ATP6V1H: variants seen among roughly 807,000 people sequenced by gnomAD.
ATP6V1H encodes the protein ATPase H+ transporting V1 subunit H.
A neutral mutation model predicts 71.7 loss-of-function variants in ATP6V1H; 39 were observed. That is an observed-to-expected ratio of 0.54 (90% CI 0.42 to 0.71). The LOEUF (loss-of-function observed/expected upper bound fraction) is 0.71, where lower values mean the gene tolerates loss of function less well. Ranked by LOEUF, ATP6V1H falls within the 30% of genes least tolerant of loss-of-function variation. ATP6V1H has a pLI of 0.00. For synonymous variants in ATP6V1H, 192 were observed against 199.3 expected (o/e 0.96, Z 0.31); for missense variants, 509 against 594.9 (o/e 0.86, Z 1.50).
chr8:53,734,988 A>G (rs1807152358), intron 13 of ATP6V1H, among the ~76,000 whole-genome samples: 1 of 152,208 alleles, frequency 6.6e-6, no homozygotes, highest in Non-Finnish European at 1.5e-5. Context: ...GCCAAGAGTC[A>G]CTTAAAAAGT....
intron 4 of ATP6V1H, among the ~76,000 whole-genome samples, chr8:53,822,418 G>C (rs1383226650): frequency 1.3e-5 from 2 of 152,026 alleles, no homozygotes; most frequent in Non-Finnish European, 2.9e-5. Context: ...AGTAGAATAA[G>C]TTCATTGACT....
chr8:53,795,070 T>C (rs1809685986), intron 9 of ATP6V1H, among the ~76,000 whole-genome samples: 1 of 152,164 alleles, frequency 6.6e-6, no homozygotes, highest in African/African-American at 2.4e-5. Context: ...TGGCTCTCGG[T>C]AGCCAATTAG....
At chr8:53,836,939 G>A (rs1054156911) in intron 2 of ATP6V1H, among the ~76,000 whole-genome samples, 4 of 152,016 alleles carry the variant, frequency 2.6e-5, no homozygotes, top group Non-Finnish European at 4.4e-5. Context: ...TCAAGAGTTC[G>A]AGACCAGCCT....
rs567032930 is a variant in ATP6V1H at position 53,757,477 on chromosome 8, C to T, written c.1176-821G>A. ...CAGAGATCATTCAAGGAATAGGTTG[C>T]TCCTCTGTTATTTTAATGCTCAAGG... On this transcript the variant is annotated intron_variant, in intron 11 of 13. Coordinates refer to ENST00000359530, the MANE Select transcript of ATP6V1H (RefSeq NM_015941.4). Among the ~76,000 whole-genome samples, 12 of 152,274 alleles carry T rather than the reference C, an allele frequency of 7.9e-5. No homozygotes were observed. In the East Asian group the frequency reaches 2.1e-3, roughly 27 times the overall value.
At chr8:53,779,844 C>G (rs1180139612) in intron 9 of ATP6V1H, among the ~76,000 whole-genome samples, 2 of 151,950 alleles carry the variant, frequency 1.3e-5, no homozygotes, top group East Asian at 3.9e-4. Flanking sequence ...ATTTGTTGAC[C>G]AGAGAATTAA....
At position 53,755,736 on chromosome 8, in the gene ATP6V1H, A is replaced by T. The variant is rs1344705943; in HGVS notation, c.1277+819T>A. ...TATATATATATATATATATATATAT[A>T]TATATATATTTTTTTTTTTTTTTTT... On this transcript the variant is annotated intron_variant, in intron 12 of 13. Coordinates refer to ENST00000359530, the MANE Select transcript of ATP6V1H (RefSeq NM_015941.4). Among the ~76,000 whole-genome samples the T allele has an allele frequency of 3.5e-3, 11 of 3,110 alleles. 2 individuals are homozygous for T. The highest frequency in any genetic ancestry group is 0.022 in the African/African-American group (9 of 414). The allele number at this position is 3,110 out of a possible 152,430, so 2.0% of individuals were successfully genotyped here.
At chr8:53,739,463 A>C (rs1279995103) in intron 13 of ATP6V1H, 1 of 152,190 alleles carries the variant, frequency 6.6e-6, no homozygotes, top group Non-Finnish European at 1.5e-5. Flanking sequence ...AGATGGTAAC[A>C]CTCTTATAAC....
chr8:53,753,081 CTTT>C (rs201020364), intron 12 of ATP6V1H, among the ~76,000 whole-genome samples: 20 of 139,860 alleles, frequency 1.4e-4, no homozygotes, highest in African/African-American at 5.0e-4. Context: ...GAAACCATGC[CTTT>C]TTTTTTTTTT....
At chr8:53,821,208 TAA>T (rs1563482327) in intron 4 of ATP6V1H, among the ~76,000 whole-genome samples, 1 of 151,208 alleles carries the variant, frequency 6.6e-6, no homozygotes, top group East Asian at 1.9e-4. Context: ...CCATCTCTAC[TAA>T]AAATACAACA....
chr8:53,786,429 C>T (rs1027659228), intron 9 of ATP6V1H, among the ~76,000 whole-genome samples: 6 of 152,172 alleles, frequency 3.9e-5, no homozygotes, highest in African/African-American at 9.7e-5. Flanking sequence ...TTCCAGGTGC[C>T]GTCTGTCACC....
intron 13 of ATP6V1H, among the ~76,000 whole-genome samples, chr8:53,735,887 C>T (rs920629598): frequency 1.3e-5 from 2 of 152,270 alleles, no homozygotes; most frequent in African/African-American, 2.4e-5. Flanking sequence ...CCACCACAGT[C>T]GGCTAACACC....
In ATP6V1H at chr8:53,808,150, T is replaced by C. The variant is rs546875565; in HGVS notation, c.579+3014A>G. On this transcript the variant is annotated intron_variant, in intron 7 of 13. Transcript: ENST00000359530. The stretch of plus-strand genomic sequence containing the variant: ...AACATGTGGGCTCTCTCATGAATCG[T>C]TCTCTTGCCTATGCGTACTGTAAAA... Among the ~76,000 whole-genome samples the C allele has an allele frequency of 2.0e-3, 311 of 152,308 alleles. 2 individuals carry two copies. The highest frequency in any genetic ancestry group is 7.0e-3 in the African/African-American group (290 of 41,570).
intron 8 of ATP6V1H, among the ~76,000 whole-genome samples, chr8:53,799,507 G>A (rs562814665): frequency 2.6e-4 from 40 of 152,314 alleles, no homozygotes; most frequent in African/African-American, 9.6e-4. Context: ...TCCTAAGGCT[G>A]CTAGCCTCAG....
At chr8:53,780,401 G>A (rs543541664) in intron 9 of ATP6V1H, among the ~76,000 whole-genome samples, 11 of 151,984 alleles carry the variant, frequency 7.2e-5, no homozygotes, top group African/African-American at 2.7e-4. Context: ...ATTTCATTGT[G>A]TCATCTTGCT....
chr8:53,761,595 T>G (rs78917440), intron 11 of ATP6V1H, among the ~76,000 whole-genome samples: 5 of 152,198 alleles, frequency 3.3e-5, no homozygotes, highest in African/African-American at 1.2e-4. Flanking sequence ...AAAAAAAACC[T>G]CCAAGCTCTT....
intron 6 of ATP6V1H, among the ~76,000 whole-genome samples, chr8:53,814,325 A>G (rs1314767981): frequency 6.6e-6 from 1 of 151,990 alleles, no homozygotes; most frequent in Non-Finnish European, 1.5e-5. Context: ...GAAGCCTCAC[A>G]CGCACGTGCT....
At chr8:53,806,197 C>T (rs117257506) in intron 7 of ATP6V1H, among the ~76,000 whole-genome samples, 2,045 of 151,850 alleles carry the variant, frequency 0.013, 24 homozygotes, top group Non-Finnish European at 0.02. Context: ...CACTTAATCT[C>T]GAAAATTGTT....
intron 13 of ATP6V1H, among the ~76,000 whole-genome samples, chr8:53,718,735 C>A (rs1458888865): frequency 1.3e-5 from 2 of 152,190 alleles, no homozygotes; most frequent in Non-Finnish European, 2.9e-5. Context: ...CCGGAGGCAT[C>A]TACTTCTTCC....
intron 9 of ATP6V1H, among the ~76,000 whole-genome samples, chr8:53,782,351 C>T (rs7388226): frequency 0.17 from 25,399 of 150,900 alleles, 3,505 homozygotes; most frequent in African/African-American, 0.36. Context: ...TTGTCTGTTA[C>T]TGGTGTATAG....
Sources: allele counts gnomAD v4.1 joint callset (sites outside exome capture counted in the v4.1 genomes callset), GRCh38; gene constraint gnomAD v4.1.1; transcripts MANE v1.5; gene names NCBI Gene and HGNC (gene_info 2026-07-23, HGNC 2026-07-21).